CDH13: variants seen among roughly 807,000 people sequenced by gnomAD.
The protein encoded by CDH13 is cadherin-13.
A neutral mutation model predicts 63.8 loss-of-function variants in CDH13; 24 were observed. The observed-to-expected ratio is 0.38, with a 90% CI of 0.27 to 0.53. The LOEUF (loss-of-function observed/expected upper bound fraction) is 0.53. CDH13 is among the 20% of genes least tolerant of loss of function. The pLI is 0.85. For missense variants in CDH13, 1,049 were observed against 903.1 expected (o/e 1.16, Z -2.07); for synonymous variants, 503 against 355.3 (o/e 1.42, Z -4.67).
intron 10 of CDH13, among the ~76,000 whole-genome samples, chr16:83,718,353 C>T (rs190246387): frequency 1.2e-3 from 182 of 152,226 alleles, no homozygotes; most frequent in African/African-American, 2.8e-3. Context: ...AGAAGAAATT[C>T]AAGAATGAGT....
At chr16:83,057,080 C>A (rs968830316) in intron 3 of CDH13, among the ~76,000 whole-genome samples, 1 of 152,152 alleles carries the variant, frequency 6.6e-6, no homozygotes, top group Non-Finnish European at 1.5e-5. Context: ...GATTCTCCTG[C>A]CTCAGCCTCC....
At chr16:82,677,384 A>G (rs908925153) in intron 1 of CDH13, among the ~76,000 whole-genome samples, 1 of 147,276 alleles carries the variant, frequency 6.8e-6, no homozygotes, top group Non-Finnish European at 1.5e-5. Flanking sequence ...TATGGGGAAT[A>G]TGTGATTATT....
chr16:82,677,470 T>TAA (rs1377660906), intron 1 of CDH13, among the ~76,000 whole-genome samples: 18 of 135,466 alleles, frequency 1.3e-4, no homozygotes, highest in African/African-American at 4.8e-4. Context: ...TTTTGGTTTT[T>TAA]AACTCATTAT....
intron 6 of CDH13, among the ~76,000 whole-genome samples, chr16:83,359,420 A>G (rs935755165): frequency 2.6e-5 from 4 of 152,182 alleles, no homozygotes; most frequent in African/African-American, 9.6e-5. Context: ...GCAGCCAGCA[A>G]TGGCTTCTTT....
intron 1 of CDH13, among the ~76,000 whole-genome samples, chr16:82,711,549 G>A (rs765178372): frequency 6.6e-6 from 1 of 152,122 alleles, no homozygotes; most frequent in Non-Finnish European, 1.5e-5. Context: ...GAAAAAATCA[G>A]GTGTAGAATT....
chr16:82,652,524 C>A (rs8051643), intron 1 of CDH13, among the ~76,000 whole-genome samples: 5,004 of 152,224 alleles, frequency 0.033, 260 homozygotes, highest in African/African-American at 0.11. Flanking sequence ...GATTACAGCC[C>A]ATACTTAAGC....
intron 5 of CDH13, among the ~76,000 whole-genome samples, chr16:83,264,725 C>G (rs1011475068): frequency 1.3e-5 from 2 of 151,722 alleles, no homozygotes; most frequent in Admixed American, 1.3e-4. Context: ...CTAGAGACAA[C>G]ACCCCTCTAA....
At chr16:83,537,646 GA>G (rs11363624) in intron 7 of CDH13, among the ~76,000 whole-genome samples, 82,148 of 151,222 alleles carry the variant, frequency 0.54, 22,260 homozygotes, top group Non-Finnish European at 0.57. Flanking sequence ...TGTTCTACAG[GA>G]AAAAAAAAGT....
chr16:83,508,771 C>G (rs1403315408), intron 7 of CDH13, among the ~76,000 whole-genome samples: 1 of 152,126 alleles, frequency 6.6e-6, no homozygotes, highest in Non-Finnish European at 1.5e-5. Flanking sequence ...AAGATTGTAT[C>G]CTGAATAAGC....
intron 5 of CDH13, among the ~76,000 whole-genome samples, chr16:83,341,616 A>G (rs2090724466): frequency 6.6e-6 from 1 of 152,204 alleles, no homozygotes; most frequent in Admixed American, 6.5e-5. Context: ...CAAGCATGAT[A>G]TACTTCTTTC....
intron 6 of CDH13, among the ~76,000 whole-genome samples, chr16:83,452,655 C>T (rs956824708): frequency 6.6e-6 from 1 of 151,834 alleles, no homozygotes; most frequent in Non-Finnish European, 1.5e-5. Context: ...CAAAGACAAA[C>T]ATGATATTTA....
chr16:83,444,213 G>A (rs1466133479), intron 6 of CDH13, among the ~76,000 whole-genome samples: 10 of 152,252 alleles, frequency 6.6e-5, no homozygotes, highest in African/African-American at 2.2e-4. Flanking sequence ...TGATGATAAT[G>A]ATGACCATAG....
intron 8 of CDH13, among the ~76,000 whole-genome samples, chr16:83,664,865 T>C (rs750092271): frequency 2.5e-4 from 38 of 152,196 alleles, no homozygotes; most frequent in Non-Finnish European, 4.4e-4. Flanking sequence ...TTGTCAGATA[T>C]GTTGTAGATG....
chr16:83,759,593 A>G lies in CDH13; in HGVS notation c.1681+11343A>G, dbSNP rs576286362. Among the ~76,000 whole-genome samples the G allele has an allele frequency of 3.9e-5, 6 of 152,264 alleles. No homozygotes were observed. The South Asian group carries it at 1.2e-3, about 32-fold the overall frequency. ...CTTCAAATGACACAGTTAAGAAAGT[A>G]AAAAGTAACCTACAGAGTAGAAGAT... is the stretch of plus-strand genomic sequence containing the variant. On this transcript the variant is annotated intron_variant, in intron 11 of 13. Coordinates refer to ENST00000567109, the MANE Select transcript of CDH13 (RefSeq NM_001257.5).
At chr16:82,667,864 C>A (rs1912785733) in intron 1 of CDH13, among the ~76,000 whole-genome samples, 1 of 152,148 alleles carries the variant, frequency 6.6e-6, no homozygotes, top group Non-Finnish European at 1.5e-5. Flanking sequence ...TTTCAATCTT[C>A]TCATGCTCCA....
In CDH13 at chr16:82,919,656, T is replaced by C. The variant is rs549724872; in HGVS notation, c.157+61183T>C. 3.9e-4 allele frequency among the ~76,000 whole-genome samples: 59 copies of C among 152,354 alleles called. No individual in the cohort carries two copies. In the Middle Eastern group the frequency reaches 0.01, roughly 26 times the overall value. On this transcript the variant is annotated intron_variant, in intron 2 of 13. Coordinates refer to ENST00000567109, the MANE Select transcript of CDH13 (RefSeq NM_001257.5). ...TCCATGTTTATTGTGAATAGTGCTA[T>C]AGTGAACATATGTGTGCATGTGGCC...
At chr16:82,646,236 C>T (rs1027265321) in intron 1 of CDH13, 1 of 152,260 alleles carries the variant, frequency 6.6e-6, no homozygotes, top group Admixed American at 6.5e-5. Flanking sequence ...TTCACCCAGG[C>T]TGAAGTGCAG....
intron 4 of CDH13, among the ~76,000 whole-genome samples, chr16:83,131,370 C>T (rs113220420): frequency 6.6e-6 from 1 of 152,124 alleles, no homozygotes; most frequent in Non-Finnish European, 1.5e-5. Flanking sequence ...CTTGCTCATA[C>T]CTGTGATTTT....
At chr16:83,397,405 T>G (rs1347078422) in intron 6 of CDH13, 1 of 152,214 alleles carries the variant, frequency 6.6e-6, no homozygotes, top group African/African-American at 2.4e-5. Context: ...TTTGAGAAAA[T>G]ACTAGAAAGT....
Sources: gnomAD v4.1 joint callset for allele counts (sites outside exome capture counted in the v4.1 genomes callset) on GRCh38, gnomAD v4.1.1 for gene constraint, MANE v1.5 for transcripts, NCBI Gene and HGNC (gene_info 2026-07-23, HGNC 2026-07-21) for gene names.